RUFY2: variants seen among roughly 807,000 people sequenced by gnomAD.
RUFY2 encodes the protein RUN and FYVE domain containing 2, also known as RUN and FYVE domain-containing protein 2.
A neutral mutation model predicts 94.4 loss-of-function variants in RUFY2; 49 were observed. That is an observed-to-expected ratio of 0.52 (90% CI 0.41 to 0.66). The LOEUF is 0.66. RUFY2 is among the 30% of genes least tolerant of loss of function. The pLI, the probability that RUFY2 is intolerant of heterozygous loss-of-function variation, is 0.00. For synonymous variants in RUFY2, 255 were observed against 235.7 expected (o/e 1.08, Z -0.75); for missense variants, 541 against 692.8 (o/e 0.78, Z 2.46).
chr10:68,401,758 T>G, intron 2 of RUFY2, 21 bp from the exon 3 acceptor site: 1 of 1,348,560 alleles, frequency 7.4e-7, no homozygotes, highest in Non-Finnish European at 1.1e-6. Flanking sequence ...GAACACATAA[T>G]GCACACAATG....
chr10:68,399,242 C>T (rs2050633574), intron 3 of RUFY2, among the ~76,000 whole-genome samples: 1 of 151,910 alleles, frequency 6.6e-6, no homozygotes, highest in Non-Finnish European at 1.5e-5. Context: ...CATGTGGTTT[C>T]GCCATGTTGC....
At chr10:68,382,135 G>A (rs1349917517) in intron 10 of RUFY2, among the ~76,000 whole-genome samples, 3 of 149,292 alleles carry the variant, frequency 2.0e-5, no homozygotes, top group African/African-American at 7.4e-5. Flanking sequence ...TGCAAGCTCC[G>A]CCTCCCAAGT....
intron 13 of RUFY2, among the ~76,000 whole-genome samples, chr10:68,369,751 G>A (rs1423009095): frequency 1.3e-5 from 2 of 151,190 alleles, no homozygotes; most frequent in African/African-American, 4.9e-5. Flanking sequence ...GAGAGATCAT[G>A]TCTCTATAAG....
At chr10:68,363,957 A>T (rs767102967) in intron 14 of RUFY2, 27 bp downstream of exon 14, 1 of 1,512,590 alleles carries the variant, frequency 6.6e-7, no homozygotes, top group South Asian at 1.2e-5. Flanking sequence ...GTCAAGACAG[A>T]ATTTTTAAAG....
chr10:68,355,365 G>A lies in RUFY2; in HGVS notation c.1587C>T (p.Asn529=). 5 of 1,611,428 alleles carry A rather than the reference G, an allele frequency of 3.1e-6. No homozygotes were observed. The highest frequency in any genetic ancestry group is 4.2e-6 in the Non-Finnish European group (5 of 1,178,066). ...ACGTTCTACTCACCTGCAATGCTTT[G>A]TTGGCTTCTTTTATGTCTTCAATTT... ...KLKIEDIKEA[N]KALQGLVWLK... is the part of the protein sequence containing the mutation. Residue 529 remains asparagine, a synonymous_variant, in exon 16 of 18, where the codon AAC becomes AAT. Transcript: ENST00000602465.
At chr10:68,378,047 T>C (rs1414267504) in intron 12 of RUFY2, 1 of 985,364 alleles carries the variant, frequency 1.0e-6, no homozygotes, top group Non-Finnish European at 1.2e-6. Context: ...CAGAGTGAGG[T>C]AGGCCTTGAA....
intron 13 of RUFY2, among the ~76,000 whole-genome samples, chr10:68,366,701 C>G (rs1361909746): frequency 6.9e-6 from 1 of 144,286 alleles, no homozygotes; most frequent in Non-Finnish European, 1.5e-5. Context: ...AAAATCGCAC[C>G]ATTGCACTCC....
At chr10:68,367,999 T>G (rs1475616325) in intron 13 of RUFY2, among the ~76,000 whole-genome samples, 1 of 149,822 alleles carries the variant, frequency 6.7e-6, no homozygotes, top group East Asian at 2.0e-4. Context: ...GGAGTCTCGC[T>G]CTGTCGCCCA....
At chr10:68,349,861 T>C (rs1412887297) in intron 16 of RUFY2, among the ~76,000 whole-genome samples, 1 of 151,726 alleles carries the variant, frequency 6.6e-6, no homozygotes, top group Non-Finnish European at 1.5e-5. Flanking sequence ...TAAATAATAA[T>C]ATCAAAGACA....
intron 16 of RUFY2, among the ~76,000 whole-genome samples, chr10:68,349,982 T>C (rs2046553409): frequency 6.6e-6 from 1 of 152,030 alleles, no homozygotes; most frequent in Non-Finnish European, 1.5e-5. Flanking sequence ...TACCTGAATC[T>C]AACCAAGGCT....
intron 13 of RUFY2, among the ~76,000 whole-genome samples, chr10:68,365,351 C>T (rs768043193): frequency 6.6e-6 from 1 of 152,212 alleles, no homozygotes; most frequent in South Asian, 2.1e-4. Context: ...TGCACATTCT[C>T]TCCATGTCTG....
At position 68,406,764 on chromosome 10, in the gene RUFY2, G is replaced by A. The variant is rs761087515; in HGVS notation, c.4+422C>T. On this transcript the variant is annotated intron_variant, in intron 1 of 17. Coordinates refer to ENST00000602465, the MANE Select transcript of RUFY2 (RefSeq NM_001330103.2). ...TCGCGGCGGGCTCACCCAGGCTCCTGCGCGTCAGCATTCCCCGTCTCCCGC... is the reference window on the plus strand; with the variant it reads ...TCGCGGCGGGCTCACCCAGGCTCCTACGCGTCAGCATTCCCCGTCTCCCGC... 78 of 1,610,872 alleles carry A rather than the reference G, an allele frequency of 4.8e-5. 1 individual carries two copies. The highest frequency in any genetic ancestry group is 6.6e-5 in the Non-Finnish European group (78 of 1,179,204).
rs747802599 is a variant in RUFY2 at position 68,379,464 on chromosome 10, T to C, written c.1165A>G (p.Thr389Ala). The change falls in exon 12 of 18, where the codon ACC becomes GCC. Residue 389 changes from threonine (T) to alanine (A), a missense_variant. Thr to Ala is a moderately conservative substitution (Grantham distance 58). Transcript: ENST00000602465. ...CTCATGGCTGCAGTAATTTTATTGG[T>C]TTTTTCTTCTAGTCGGGCAATTATT... ...NEIIARLEEK[T>A]NKITAAMRQL... 6.2e-7 allele frequency: 1 copy of C among 1,613,236 alleles called. No homozygotes were observed. The highest frequency in any genetic ancestry group is 1.1e-5 in the South Asian group (1 of 90,866).
chr10:68,376,487 TA>T (rs879314013), intron 13 of RUFY2, among the ~76,000 whole-genome samples: 1 of 71,034 alleles, frequency 1.4e-5, no homozygotes, highest in Non-Finnish European at 3.1e-5. Flanking sequence ...TATATATATA[TA>T]TATTCTCAGA....
intron 4 of RUFY2, 123 bp downstream of exon 4, chr10:68,396,657 C>T: frequency 3.5e-6 from 2 of 579,584 alleles, no homozygotes; most frequent in Non-Finnish European, 5.8e-6. Context: ...TTTGCTCCTC[C>T]TCTTATTTTA....
chr10:68,363,183 A>G (rs73274741), intron 15 of RUFY2, among the ~76,000 whole-genome samples: 137 of 152,152 alleles, frequency 9.0e-4, no homozygotes, highest in African/African-American at 3.2e-3. Flanking sequence ...GTTTTGTTTA[A>G]TAGTTTGTAT....
rs2050066859 is a variant in RUFY2, at chr10:68,392,415, T to C, written c.650+723A>G. 1.3e-5 allele frequency among the ~76,000 whole-genome samples: 2 copies of C among 152,166 alleles called. 1 individual carries two copies. Among genetic ancestry groups the C allele is most frequent in the South Asian group, 4.1e-4 (2 of 4,834 alleles). ...TCTTCTCAACAAGAGTATTCACTGA[T>C]GGCTTCAATGACCAGTTGACAATGT... On this transcript the variant is annotated intron_variant, in intron 7 of 17. Transcript: ENST00000602465.
intron 15 of RUFY2, among the ~76,000 whole-genome samples, chr10:68,358,212 C>G (rs1007623085): frequency 2.0e-5 from 3 of 150,962 alleles, no homozygotes; most frequent in African/African-American, 7.4e-5. Context: ...AACAAACAAA[C>G]AACAACAAAA....
intron 8 of RUFY2, among the ~76,000 whole-genome samples, chr10:68,385,391 A>T (rs988288681): frequency 2.6e-5 from 4 of 151,924 alleles, no homozygotes; most frequent in Admixed American, 6.6e-5. Context: ...TTAATACATT[A>T]AAAAAAATCT....
Sources: gnomAD v4.1 joint callset for allele counts (sites outside exome capture counted in the v4.1 genomes callset) on GRCh38, gnomAD v4.1.1 for gene constraint, MANE v1.5 for transcripts, NCBI Gene and HGNC (gene_info 2026-07-23, HGNC 2026-07-21) for gene names.